The following ADAMTS12 variants were observed in gnomAD, a reference collection of about 807,000 sequenced individuals.
ADAMTS12 encodes ADAM metallopeptidase with thrombospondin type 1 motif 12.
ADAMTS12 carries 118 observed loss-of-function variants against 167.8 expected under a neutral mutation model. The ratio of observed to expected loss-of-function variants is 0.70; its 90% CI spans 0.61 to 0.82. The LOEUF (loss-of-function observed/expected upper bound fraction) is 0.82. Ranked by LOEUF, ADAMTS12 falls within the 40% of genes least tolerant of loss-of-function variation. The probability of loss-of-function intolerance (pLI) is 0.00; values close to 1 mark genes in which losing one functional copy is unlikely to be tolerated. For missense variants in ADAMTS12, 1,916 were observed against 1,998.8 expected (o/e 0.96, Z 0.79); for synonymous variants, 704 against 716.9 (o/e 0.98, Z 0.29).
At chr5:33,685,534 A>T (rs2112266107) in intron 3 of ADAMTS12, among the ~76,000 whole-genome samples, 1 of 152,342 alleles carries the variant, frequency 6.6e-6, no homozygotes, top group Admixed American at 6.5e-5. Flanking sequence ...CTCTGTCCAT[A>T]TGAATTTAGA....
chr5:33,647,687 T>C (rs1740726292), intron 9 of ADAMTS12, among the ~76,000 whole-genome samples: 1 of 152,154 alleles, frequency 6.6e-6, no homozygotes, highest in African/African-American at 2.4e-5. Context: ...GCCAAGATCA[T>C]GCCACTGCAC....
intron 2 of ADAMTS12, among the ~76,000 whole-genome samples, chr5:33,783,785 GA>G (rs1294531381): frequency 6.6e-6 from 1 of 151,702 alleles, no homozygotes; most frequent in Non-Finnish European, 1.5e-5. Flanking sequence ...AATATTTAAG[GA>G]AAAAATAATA....
At chr5:33,643,784 G>A (rs1442443500) in intron 9 of ADAMTS12, among the ~76,000 whole-genome samples, 1 of 152,212 alleles carries the variant, frequency 6.6e-6, no homozygotes, top group Non-Finnish European at 1.5e-5. Context: ...TCTTGGGAAA[G>A]GTAACTGGTG....
chr5:33,883,929 C>A (rs189069427), intron 1 of ADAMTS12, among the ~76,000 whole-genome samples: 1 of 152,134 alleles, frequency 6.6e-6, no homozygotes, highest in Non-Finnish European at 1.5e-5. Flanking sequence ...GTGGGTGAGG[C>A]GGATGCAGTC....
rs1742225049 is a variant in ADAMTS12, at chr5:33,683,943, C to T, written c.747G>A (p.Glu249=). 6.2e-7 allele frequency: 1 copy of T among 1,612,256 alleles called. No individual in the cohort carries two copies. The highest frequency in any genetic ancestry group is 8.5e-7 in the Non-Finnish European group (1 of 1,179,304). ...TCTTTGTGTCGGCCACCACCAGTGT[C>T]TCCACCCATCTCTCCTTGCTGATGG... The part of the protein sequence containing the change: ...RRSISKERWV[E]TLVVADTKMI... The change falls in exon 4 of 24, where the codon GAG becomes GAA. Residue 249 remains glutamate, a synonymous_variant. Coordinates refer to ENST00000504830, the MANE Select transcript of ADAMTS12 (RefSeq NM_030955.4).
intron 19 of ADAMTS12, among the ~76,000 whole-genome samples, chr5:33,563,991 A>G (rs936239529): frequency 3.3e-5 from 5 of 152,268 alleles, no homozygotes; most frequent in African/African-American, 1.2e-4. Flanking sequence ...TCTGGCTTCA[A>G]GGTTTACACC....
chr5:33,601,182 C>G (rs529146864), intron 16 of ADAMTS12, among the ~76,000 whole-genome samples: 2 of 151,338 alleles, frequency 1.3e-5, no homozygotes, highest in African/African-American at 4.9e-5. Context: ...AAAACTGGAA[C>G]TGGTTTTGAA....
intron 5 of ADAMTS12, among the ~76,000 whole-genome samples, chr5:33,662,402 A>C (rs894795398): frequency 5.3e-5 from 8 of 152,236 alleles, no homozygotes; most frequent in Non-Finnish European, 1.2e-4. Flanking sequence ...TCAAAGAGGC[A>C]TTTTTATTTC....
chr5:33,803,798 A>C (rs1441656302), intron 2 of ADAMTS12, among the ~76,000 whole-genome samples: 1 of 152,128 alleles, frequency 6.6e-6, no homozygotes, highest in African/African-American at 2.4e-5. Context: ...AAAACCATCA[A>C]ATCTCATGAG....
chr5:33,530,863 A>ACCCCACAGTGGAAG (rs1208077065), intron 23 of ADAMTS12, among the ~76,000 whole-genome samples: 2 of 152,206 alleles, frequency 1.3e-5, no homozygotes, highest in Non-Finnish European at 2.9e-5. Flanking sequence ...GTTGAACTGT[A>ACCCCACAGTGGAAG]TCCTTTGAAA....
chr5:33,549,360 G>A lies in ADAMTS12; in HGVS notation c.4149C>T (p.Gly1383=), dbSNP rs1444381157. 2 of 1,613,782 alleles carry A rather than the reference G, an allele frequency of 1.2e-6. No homozygotes were observed. The highest frequency in any genetic ancestry group is 2.2e-5 in the East Asian group (1 of 44,868). ...CGCACTGAATCTCGCGTATCTTGAA[G>A]CCCCCACTGCAGTTTCTGGAGCACT... ...WSKCSRNCSG[G]FKIREIQCVD... is the part of the protein sequence containing the mutation. The change falls in exon 21 of 24, where the codon GGC becomes GGT. Residue 1383 remains glycine (G), a synonymous_variant. Transcript: ENST00000504830.
At chr5:33,682,985 A>G in intron 5 of ADAMTS12, 33 bp downstream of exon 5, 1 of 1,584,856 alleles carries the variant, frequency 6.3e-7, no homozygotes, top group Non-Finnish European at 8.7e-7. Context: ...GTGCGAGGAC[A>G]TATAGCAGAA....
chr5:33,789,148 T>G (rs939950933), intron 2 of ADAMTS12, among the ~76,000 whole-genome samples: 1 of 151,112 alleles, frequency 6.6e-6, no homozygotes, highest in Non-Finnish European at 1.5e-5. Context: ...GCTGTGGACA[T>G]TGTGTGAATT....
intron 2 of ADAMTS12, among the ~76,000 whole-genome samples, chr5:33,759,509 A>T (rs757648966): frequency 6.6e-6 from 1 of 152,220 alleles, no homozygotes; most frequent in Non-Finnish European, 1.5e-5. Context: ...AGAACTAAAT[A>T]AGGCAATTCA....
intron 7 of ADAMTS12, among the ~76,000 whole-genome samples, chr5:33,650,427 A>T (rs1740830484): frequency 6.6e-6 from 1 of 152,222 alleles, no homozygotes; most frequent in Non-Finnish European, 1.5e-5. Flanking sequence ...CCAAGGATAG[A>T]ATTTTTTTAA....
intron 19 of ADAMTS12, among the ~76,000 whole-genome samples, chr5:33,570,823 C>A (rs1317054678): frequency 1.9e-4 from 28 of 146,628 alleles, no homozygotes; most frequent in South Asian, 4.4e-4. Flanking sequence ...AGAGTCAAGA[C>A]CCATCAGTGT....
At chr5:33,669,793 AC>A (rs1302046209) in intron 5 of ADAMTS12, among the ~76,000 whole-genome samples, 1 of 152,108 alleles carries the variant, frequency 6.6e-6, no homozygotes, top group African/African-American at 2.4e-5. Context: ...AAACAAATAA[AC>A]AAAAAGAGAG....
intron 3 of ADAMTS12, among the ~76,000 whole-genome samples, chr5:33,748,750 C>G (rs1354548442): frequency 2.0e-5 from 3 of 152,062 alleles, no homozygotes; most frequent in Non-Finnish European, 4.4e-5. Flanking sequence ...ATCAACTGAC[C>G]TAAGCATGAA....
At chr5:33,655,108 T>C (rs1339782303) in intron 7 of ADAMTS12, among the ~76,000 whole-genome samples, 1 of 152,108 alleles carries the variant, frequency 6.6e-6, no homozygotes, top group Non-Finnish European at 1.5e-5. Flanking sequence ...AGACGGCATA[T>C]GGAAAAGTAT....
Sources: allele counts gnomAD v4.1 joint callset (sites outside exome capture counted in the v4.1 genomes callset), GRCh38; gene constraint gnomAD v4.1.1; transcripts MANE v1.5; gene names NCBI Gene and HGNC (gene_info 2026-07-23, HGNC 2026-07-21).